SSH2: variants seen among roughly 807,000 people sequenced by gnomAD.
The protein encoded by SSH2 is protein phosphatase Slingshot homolog 2.
In SSH2, 37 loss-of-function variants were observed where a neutral mutation model predicts 135.2. The ratio of observed to expected loss-of-function variants is 0.27; its 90% CI spans 0.21 to 0.36. The LOEUF is 0.36. Ranked by LOEUF, SSH2 falls within the 10% of genes least tolerant of loss-of-function variation. SSH2 has a pLI of 1.00. For missense variants in SSH2, 1,408 were observed against 1,765.3 expected (o/e 0.80, Z 3.63); for synonymous variants, 628 against 646.2 (o/e 0.97, Z 0.43).
At chr17:29,762,858 TG>T (rs2041354849) in intron 3 of SSH2, among the ~76,000 whole-genome samples, 1 of 152,232 alleles carries the variant, frequency 6.6e-6, no homozygotes, top group Non-Finnish European at 1.5e-5. Flanking sequence ...TCAGCATTTT[TG>T]AATACTAGAC....
intron 3 of SSH2, among the ~76,000 whole-genome samples, chr17:29,757,106 C>A (rs1368015311): frequency 6.6e-6 from 1 of 152,158 alleles, no homozygotes; most frequent in African/African-American, 2.4e-5. Flanking sequence ...AATACAAAAT[C>A]TTTTGAGTCA....
At chr17:29,750,241 C>T (rs1214827901) in intron 3 of SSH2, among the ~76,000 whole-genome samples, 1 of 151,250 alleles carries the variant, frequency 6.6e-6, no homozygotes, top group African/African-American at 2.4e-5. Context: ...AGTTCGAGAT[C>T]AGCCTGGCCA....
intron 6 of SSH2, among the ~76,000 whole-genome samples, chr17:29,681,566 GA>G (rs926234961): frequency 3.7e-4 from 53 of 144,130 alleles, no homozygotes; most frequent in African/African-American, 9.0e-4. Flanking sequence ...AAAAGAAATG[GA>G]AAAAAAAAAC....
At position 29,706,614 on chromosome 17, in the gene SSH2, T is replaced by G. The variant is rs116622263; in HGVS notation, c.189-3552A>C. ...CCACACCACAGACAGGAAATGAAAT[T>G]CACACTTTTGCCAACACAGCAACTG... is the stretch of plus-strand genomic sequence containing the variant. On this transcript the variant is annotated intron_variant, in intron 3 of 15. Transcript: ENST00000540801. 6.6e-3 allele frequency among the ~76,000 whole-genome samples: 998 copies of G among 152,274 alleles called. 7 individuals are homozygous for G. The highest frequency in any genetic ancestry group is 0.023 in the African/African-American group (956 of 41,542).
At chr17:29,735,384 C>A (rs1435363286) in intron 3 of SSH2, among the ~76,000 whole-genome samples, 3 of 152,092 alleles carry the variant, frequency 2.0e-5, no homozygotes, top group African/African-American at 7.2e-5. Flanking sequence ...TCTGTTAATA[C>A]TGTGGACTCT....
intron 11 of SSH2, among the ~76,000 whole-genome samples, chr17:29,662,357 T>C (rs1442581407): frequency 6.6e-6 from 1 of 152,204 alleles, no homozygotes; most frequent in East Asian, 1.9e-4. Flanking sequence ...AAGATAAATA[T>C]AACTTGACAT....
intron 1 of SSH2, among the ~76,000 whole-genome samples, chr17:29,852,094 C>T (rs1004483121): frequency 1.3e-5 from 2 of 151,804 alleles, no homozygotes; most frequent in African/African-American, 4.9e-5. Flanking sequence ...CCAGCCTGCC[C>T]AACATGGTGA....
intron 3 of SSH2, among the ~76,000 whole-genome samples, chr17:29,749,678 T>C (rs1202853412): frequency 2.0e-5 from 3 of 152,168 alleles, no homozygotes; most frequent in African/African-American, 7.2e-5. Flanking sequence ...CTGTGGACTT[T>C]ATAAACACCA....
chr17:29,730,875 T>A (rs535410887), intron 3 of SSH2, among the ~76,000 whole-genome samples: 1 of 152,196 alleles, frequency 6.6e-6, no homozygotes, highest in Admixed American at 6.5e-5. Context: ...ATGAAAAATA[T>A]GATAAGGTGA....
Position 29,630,979 on chromosome 17 carries a change from C to CAGG in SSH2, c.4214_4215insCCT (p.Gln1405delinsHisLeu). 6.2e-7 allele frequency: 1 copy of CAGG among 1,613,790 alleles called. No individual in the cohort carries two copies. The highest frequency in any genetic ancestry group is 8.5e-7 in the Non-Finnish European group (1 of 1,179,706). On this transcript the variant is annotated protein_altering_variant, in exon 16 of 16. Coordinates refer to ENST00000540801, the MANE Select transcript of SSH2 (RefSeq NM_001282129.2). ...GAGCTGGGCATGCACACTGCAGTCC[C>CAGG]TGGGTCTGTAGCACGGGAAGGCCTC...
chr17:29,919,023 G>C (rs2066929618), intron 1 of SSH2, among the ~76,000 whole-genome samples: 1 of 151,804 alleles, frequency 6.6e-6, no homozygotes, highest in African/African-American at 2.4e-5. Context: ...CACTCTTCAA[G>C]GCTCAAGTTA....
At chr17:29,759,829 T>C (rs1053427178) in intron 3 of SSH2, among the ~76,000 whole-genome samples, 1 of 152,236 alleles carries the variant, frequency 6.6e-6, no homozygotes, top group African/African-American at 2.4e-5. Context: ...CCATGGACAC[T>C]TGGGTTGCTT....
chr17:29,891,298 T>C (rs2066345625), intron 1 of SSH2, among the ~76,000 whole-genome samples: 1 of 152,188 alleles, frequency 6.6e-6, no homozygotes, highest in Non-Finnish European at 1.5e-5. Context: ...AGGACAGAGA[T>C]GAAACCCACA....
At chr17:29,789,754 C>G (rs1315048883) in intron 3 of SSH2, among the ~76,000 whole-genome samples, 1 of 152,200 alleles carries the variant, frequency 6.6e-6, no homozygotes, top group East Asian at 1.9e-4. Context: ...TCAAGTGCAT[C>G]TGGAGAGCAG....
At chr17:29,718,838 G>A (rs1464478980) in intron 3 of SSH2, among the ~76,000 whole-genome samples, 1 of 151,828 alleles carries the variant, frequency 6.6e-6, no homozygotes, top group Admixed American at 6.6e-5. Flanking sequence ...CTGCTAATAG[G>A]AGACCTCAGT....
intron 14 of SSH2, among the ~76,000 whole-genome samples, chr17:29,647,478 T>G (rs1426773944): frequency 1.3e-5 from 2 of 152,014 alleles, no homozygotes; most frequent in African/African-American, 4.8e-5. Context: ...TAAGGGCAGC[T>G]GAACCTAGTC....
chr17:29,812,938 A>C (rs1448062767), intron 2 of SSH2, among the ~76,000 whole-genome samples: 1 of 152,088 alleles, frequency 6.6e-6, no homozygotes, highest in Non-Finnish European at 1.5e-5. Flanking sequence ...ATATATTCAA[A>C]ACCAAAAGTG....
intron 3 of SSH2, among the ~76,000 whole-genome samples, chr17:29,720,658 A>C (rs1053287373): frequency 6.6e-6 from 1 of 152,188 alleles, no homozygotes; most frequent in Non-Finnish European, 1.5e-5. Flanking sequence ...TAATGCACAA[A>C]TGAAATCTAG....
intron 3 of SSH2, among the ~76,000 whole-genome samples, chr17:29,724,604 T>TA (rs2039937000): frequency 1.4e-5 from 1 of 72,116 alleles, no homozygotes; most frequent in Non-Finnish European, 2.8e-5. Context: ...TTTTTTTTTT[T>TA]CAAAGAGACA....
Sources: allele counts gnomAD v4.1 joint callset (sites outside exome capture counted in the v4.1 genomes callset), GRCh38; gene constraint gnomAD v4.1.1; transcripts MANE v1.5; gene names NCBI Gene and HGNC (gene_info 2026-07-23, HGNC 2026-07-21).